POTEB3: variants seen among roughly 807,000 people sequenced by gnomAD.
The protein encoded by POTEB3 is POTE ankyrin domain family member B3.
A neutral mutation model predicts 39.8 loss-of-function variants in POTEB3; 5 were observed. That is an observed-to-expected ratio of 0.13 (90% CI 0.07 to 0.26). POTEB3 has a LOEUF of 0.26. POTEB3 is among the 10% of genes least tolerant of loss of function. The probability of loss-of-function intolerance (pLI) is 1.00; values close to 1 mark genes in which losing one functional copy is unlikely to be tolerated. For synonymous variants in POTEB3, 5 were observed against 161.5 expected (o/e 0.03, Z 7.35); for missense variants, 24 against 475.6 (o/e 0.05, Z 8.83).
chr15:21,414,625 C>T lies in POTEB3; in HGVS notation c.1410-3624G>A, dbSNP rs1262375920. Among the ~76,000 whole-genome samples the T allele has an allele frequency of 1.8e-4, 14 of 79,940 alleles. 1 individual carries two copies. The highest frequency in any genetic ancestry group is 4.0e-4 in the African/African-American group (3 of 7,572). 52.4% of individuals were successfully genotyped at this position (79,940 alleles called of 152,430 possible). A position where few individuals can be genotyped will look rare whatever the true frequency, so the allele number is the denominator to read the frequency against. ...GCAGCTTACTTCTGAAATACAGCCA[C>T]GCAGCAGCACCTGCTCCACCAGAAT... is the stretch of plus-strand genomic sequence containing the variant. On this transcript the variant is annotated intron_variant, in intron 9 of 10. Transcript: ENST00000611217.
rs1377545811 is a variant in POTEB3 at position 21,405,651 on chromosome 15, C to T, written c.*3332G>A. ...TCTTTTCTTTCCATATTTAGTGCTTCCTTCAGGAGCTCTTGTAAGGTAGGT... is the reference window on the plus strand; with the variant it reads ...TCTTTTCTTTCCATATTTAGTGCTTTCTTCAGGAGCTCTTGTAAGGTAGGT... On this transcript the variant is annotated 3_prime_UTR_variant, in exon 11 of 11. Coordinates refer to ENST00000611217, the MANE Select transcript of POTEB3 (RefSeq NM_207355.5). 2.0e-3 allele frequency among the ~76,000 whole-genome samples: 168 copies of T among 82,556 alleles called. 18 individuals carry two copies. In the Middle Eastern group the frequency reaches 0.023, roughly 11 times the overall value. The allele number at this position is 82,556 out of a possible 152,430, so 54.2% of individuals were successfully genotyped here. A position where few individuals can be genotyped will look rare whatever the true frequency, so the allele number is the denominator to read the frequency against.
chr15:21,420,440 G>A (rs1898478987), intron 8 of POTEB3, among the ~76,000 whole-genome samples: 1 of 61,956 alleles, frequency 1.6e-5, no homozygotes, highest in South Asian at 4.0e-4. Flanking sequence ...GCATTACCTA[G>A]CATTTTATGG....
At chr15:21,433,413 T>C (rs1899054799) in intron 3 of POTEB3, among the ~76,000 whole-genome samples, 1 of 149,758 alleles carries the variant, frequency 6.7e-6, no homozygotes, top group African/African-American at 2.5e-5. Context: ...TAAACATACA[T>C]ATCCAGGCTT....
chr15:21,409,818 A>G (rs1258686564), intron 10 of POTEB3, among the ~76,000 whole-genome samples: 2 of 106,342 alleles, frequency 1.9e-5, no homozygotes, highest in Non-Finnish European at 3.6e-5. Context: ...AGATCAAAAA[A>G]TATATGCAGC....
intron 3 of POTEB3, among the ~76,000 whole-genome samples, chr15:21,433,376 C>T (rs1899052975): frequency 6.7e-6 from 1 of 150,162 alleles, no homozygotes; most frequent in Non-Finnish European, 1.5e-5. Context: ...CCATGCACCA[C>T]CATGCCTGGC....
rs1286119585 is a variant in POTEB3, at chr15:21,407,933, C to T, written c.*1050G>A. 4.4e-4 allele frequency among the ~76,000 whole-genome samples: 33 copies of T among 74,678 alleles called. 11 individuals are homozygous for T. The highest frequency in any genetic ancestry group is 6.9e-4 in the Non-Finnish European group (29 of 42,246). The allele number at this position is 74,678 out of a possible 152,430, so 49.0% of individuals were successfully genotyped here. ...GAGCCTAGAGACATAGATGTCCCTG[C>T]CCTCCAGGCTCCACATCAGCTGACT... On this transcript the variant is annotated 3_prime_UTR_variant, in exon 11 of 11. Transcript: ENST00000611217.
intron 6 of POTEB3, among the ~76,000 whole-genome samples, chr15:21,422,813 G>A (rs1480868300): frequency 6.6e-6 from 1 of 151,494 alleles, no homozygotes; most frequent in Non-Finnish European, 1.5e-5. Flanking sequence ...TTGCAAAACT[G>A]TCACTATATG....
intron 5 of POTEB3, among the ~76,000 whole-genome samples, chr15:21,429,248 C>T (rs1399883524): frequency 6.6e-6 from 1 of 151,540 alleles, no homozygotes; most frequent in African/African-American, 2.4e-5. Flanking sequence ...TCATATGGGA[C>T]TTTCTACTGC....
chr15:21,433,398 A>G (rs1273162273), intron 3 of POTEB3, among the ~76,000 whole-genome samples: 3 of 150,094 alleles, frequency 2.0e-5, no homozygotes, highest in Admixed American at 6.7e-5. Context: ...TCAAGGAAAC[A>G]TTTTTAAACA....
At chr15:21,422,881 T>C (rs1898562947) in intron 6 of POTEB3, among the ~76,000 whole-genome samples, 2 of 149,392 alleles carry the variant, frequency 1.3e-5, no homozygotes, top group Non-Finnish European at 3.0e-5. Context: ...GCCCTGTCTT[T>C]GTTCAGGGCT....
rs1898248050 is a variant in POTEB3 at position 21,407,966 on chromosome 15, C to T, written c.*1017G>A. ...GCTCCACATCAGCTGACTTGCTGCT[C>T]CACCACTTTCCTTGTCTCCTGGGGG... On this transcript the variant is annotated 3_prime_UTR_variant, in exon 11 of 11. Coordinates refer to ENST00000611217, the MANE Select transcript of POTEB3 (RefSeq NM_207355.5). Among the ~76,000 whole-genome samples the T allele has an allele frequency of 2.7e-5, 2 of 74,856 alleles. 1 individual carries two copies. The highest frequency in any genetic ancestry group is 7.5e-4 in the East Asian group (2 of 2,676). The allele number at this position is 74,856 out of a possible 152,430, so 49.1% of individuals were successfully genotyped here.
chr15:21,439,903 C>A lies in POTEB3; in HGVS notation c.109G>T (p.Gly37Trp). ...WCHHRFPCCR[G>W]SGKSNMGTSG... Reference sequence around the variant, plus strand: ...GTGCCCATGTTGCTCTTGCCGCTCCCCCTGCAGCAGGGGAAGCGGTGGTGG... The same window carrying A: ...GTGCCCATGTTGCTCTTGCCGCTCCACCTGCAGCAGGGGAAGCGGTGGTGG... The change falls in exon 1 of 11, where the codon GGG (glycine) becomes TGG (tryptophan). Residue 37 changes from glycine to tryptophan, a missense_variant. Gly to Trp is a radical substitution (Grantham distance 184, BLOSUM62 -2). Transcript: ENST00000611217. 1 of 1,549,484 alleles carries A rather than the reference C, an allele frequency of 6.5e-7. No homozygotes were observed. Among genetic ancestry groups the A allele is most frequent in the Non-Finnish European group, 8.8e-7 (1 of 1,131,754 alleles).
intron 3 of POTEB3, among the ~76,000 whole-genome samples, chr15:21,433,549 G>T (rs1221215463): frequency 6.6e-6 from 1 of 150,662 alleles, no homozygotes; most frequent in African/African-American, 2.5e-5. Flanking sequence ...AATTATTTCA[G>T]TCTCATCTCT....
rs1461615723 is a variant in POTEB3, at chr15:21,407,500, C to T, written c.*1483G>A. ...AGGTAATGTGCAGGCTGGTACGTGG[C>T]TGTAGAGGTCACCTTGCTGCAGCTC... is the stretch of plus-strand genomic sequence containing the variant. On this transcript the variant is annotated 3_prime_UTR_variant, in exon 11 of 11. Coordinates refer to ENST00000611217, the MANE Select transcript of POTEB3 (RefSeq NM_207355.5). Among the ~76,000 whole-genome samples, 3 of 87,902 alleles carry T rather than the reference C, an allele frequency of 3.4e-5. No homozygotes were observed. The highest frequency in any genetic ancestry group is 6.1e-5 in the Non-Finnish European group (3 of 49,012). 57.7% of individuals were successfully genotyped at this position (87,902 alleles called of 152,430 possible).
In POTEB3 at chr15:21,405,431, CT is replaced by C; in HGVS notation, c.*3551del. ...CGGCATACTCCAATGGGTCTTGGTT[CT>C]TTATCCAGCTTGCCCCCTGTGTCTT... On this transcript the variant is annotated 3_prime_UTR_variant, in exon 11 of 11. Transcript: ENST00000611217. Among the ~76,000 whole-genome samples the C allele has an allele frequency of 1.6e-5, 2 of 127,952 alleles. No homozygotes were observed. Among genetic ancestry groups the C allele is most frequent in the Admixed American group, 7.6e-5 (1 of 13,110 alleles). 83.9% of individuals were successfully genotyped at this position (127,952 alleles called of 152,430 possible).
intron 6 of POTEB3, among the ~76,000 whole-genome samples, chr15:21,423,100 T>A (rs1898574187): frequency 6.9e-6 from 1 of 144,556 alleles, no homozygotes; most frequent in Admixed American, 6.8e-5. Flanking sequence ...TTTATTTTCA[T>A]TTTTCTTTTT....
At chr15:21,415,218 AT>A (rs1898396667) in intron 9 of POTEB3, among the ~76,000 whole-genome samples, 2 of 88,486 alleles carry the variant, frequency 2.3e-5, no homozygotes, top group East Asian at 2.8e-4. Flanking sequence ...AAATAAAAAA[AT>A]AATATAAAGA....
At chr15:21,409,950 G>T (rs1226122547) in intron 10 of POTEB3, among the ~76,000 whole-genome samples, 1 of 94,192 alleles carries the variant, frequency 1.1e-5, no homozygotes, top group Non-Finnish European at 2.0e-5. Context: ...TCCAGCGTGG[G>T]TGACAGTGCA....
In POTEB3 at chr15:21,407,987, G is replaced by A. The variant is rs1461101854; in HGVS notation, c.*996C>T. ...TGCTCCACCACTTTCCTTGTCTCCTGGGGGCTACACCCCAGAGAGGTGTAA... is the reference window on the plus strand; with the variant it reads ...TGCTCCACCACTTTCCTTGTCTCCTAGGGGCTACACCCCAGAGAGGTGTAA... On this transcript the variant is annotated 3_prime_UTR_variant, in exon 11 of 11. Transcript: ENST00000611217. 5.3e-5 allele frequency among the ~76,000 whole-genome samples: 4 copies of A among 75,166 alleles called. 2 individuals are homozygous for A. Among genetic ancestry groups the A allele is most frequent in the African/African-American group, 2.9e-4 (2 of 6,908 alleles). The allele number at this position is 75,166 out of a possible 152,430, so 49.3% of individuals were successfully genotyped here. A position where few individuals can be genotyped will look rare whatever the true frequency, so the allele number is the denominator to read the frequency against.
Sources: allele counts gnomAD v4.1 joint callset (sites outside exome capture counted in the v4.1 genomes callset), GRCh38; gene constraint gnomAD v4.1.1; transcripts MANE v1.5; gene names NCBI Gene and HGNC (gene_info 2026-07-23, HGNC 2026-07-21).